The following DMXL1 variants were observed in gnomAD, a reference collection of about 807,000 sequenced individuals.
DMXL1 encodes the protein Dmx like 1.
Under a neutral mutation model 319.2 loss-of-function variants are expected in DMXL1, and 99 were observed. That is an observed-to-expected ratio of 0.31 (90% confidence interval 0.26 to 0.37). DMXL1 has a LOEUF of 0.37. Ranked by LOEUF, DMXL1 falls within the 10% of genes least tolerant of loss-of-function variation. The pLI is 1.00. For missense variants in DMXL1, 3,745 were observed against 3,595.6 expected, an observed-to-expected ratio of 1.04 and a Z score of -1.06; for synonymous variants, 1,385 against 1,235.2, an observed-to-expected ratio of 1.12 and a Z score of -2.54.
chr5:119,148,971 A>G lies in DMXL1; in HGVS notation c.3144A>G (p.Glu1048=), dbSNP rs753541395. 1 of 1,613,958 alleles carries G rather than the reference A, an allele frequency of 6.2e-7. No homozygotes were observed. The highest frequency in any genetic ancestry group is 1.7e-5 in the Admixed American group (1 of 59,998). Residue 1048 remains glutamate (E), a synonymous_variant, in exon 18 of 44, where the codon GAA becomes GAG. Transcript: ENST00000539542. The part of the protein sequence containing the change: ...SSITVPGRPV[E]VSCAHTNRLA... ...TAACTGTACCTGGTAGGCCTGTAGA[A>G]GTTAGCTGTGCACATACAAATCGTT...
At chr5:119,074,125 G>T (rs1400273616) in intron 1 of DMXL1, among the ~76,000 whole-genome samples, 1 of 152,084 alleles carries the variant, frequency 6.6e-6, no homozygotes, top group East Asian at 1.9e-4. Flanking sequence ...CACCATGTTG[G>T]TCAGGCTGGT....
At chr5:119,187,205 C>G (rs1440675700) in intron 28 of DMXL1, among the ~76,000 whole-genome samples, 1 of 152,176 alleles carries the variant, frequency 6.6e-6, no homozygotes, top group Admixed American at 6.5e-5. Context: ...CCCTATACCT[C>G]TTAAAATTCA....
chr5:119,133,029 C>T, intron 10 of DMXL1, 103 bp from the exon 11 acceptor site: 1 of 1,280,804 alleles, frequency 7.8e-7, no homozygotes, highest in African/African-American at 1.5e-5. Context: ...TCTCCTTAGG[C>T]ATGAGATCTC....
chr5:119,201,605 C>T (rs1028865402), intron 32 of DMXL1, among the ~76,000 whole-genome samples: 6 of 152,090 alleles, frequency 3.9e-5, no homozygotes, highest in African/African-American at 1.4e-4. Context: ...TGAAGGAGTT[C>T]CACCTCCTCA....
chr5:119,193,804 A>C (rs1373831767), intron 29 of DMXL1, 24 bp from the exon 30 acceptor site: 7 of 1,606,854 alleles, frequency 4.4e-6, no homozygotes, highest in Non-Finnish European at 5.9e-6. Flanking sequence ...GTGGCTGCTA[A>C]ATTTCATGAT....
In DMXL1 at chr5:119,225,110, A is replaced by G. The variant is rs1374338638; in HGVS notation, c.8338+341A>G. Among the ~76,000 whole-genome samples the G allele has an allele frequency of 2.6e-5, 4 of 152,004 alleles. No individual in the cohort carries two copies. The East Asian group carries it at 7.7e-4, about 29-fold the overall frequency. On this transcript the variant is annotated intron_variant, in intron 38 of 43. Transcript: ENST00000539542. ...TTCTGGATTTCTTTGATCATGCTAA[A>G]TTATAGTGAATAATTATTTTAATAA... is the stretch of plus-strand genomic sequence containing the variant.
Position 119,190,666 on chromosome 5 carries a change from A to G in DMXL1, c.7314+780A>G, listed in dbSNP as rs543269356. The stretch of plus-strand genomic sequence containing the variant: ...TCAAGTTGAACATAAATGAAGTTAG[A>G]GAGAAAATAGCCAACTGTGGGTATG... On this transcript the variant is annotated intron_variant, in intron 29 of 43. Transcript: ENST00000539542. 4.7e-4 allele frequency among the ~76,000 whole-genome samples: 72 copies of G among 152,358 alleles called. 1 individual carries two copies. The highest frequency in any genetic ancestry group is 1.7e-3 in the African/African-American group (72 of 41,590).
intron 37 of DMXL1, among the ~76,000 whole-genome samples, chr5:119,222,928 C>T (rs1489859838): frequency 6.6e-6 from 1 of 152,050 alleles, no homozygotes; most frequent in African/African-American, 2.4e-5. Context: ...TCAAATCCCC[C>T]CACATTTCCC....
chr5:119,147,119 G>C, intron 16 of DMXL1, 130 bp from the exon 17 acceptor site: 1 of 1,129,224 alleles, frequency 8.9e-7, no homozygotes. Context: ...TTTTCTTTCT[G>C]TGAAGAATCA....
At chr5:119,112,099 T>C (rs1276796676) in intron 5 of DMXL1, among the ~76,000 whole-genome samples, 1 of 152,210 alleles carries the variant, frequency 6.6e-6, no homozygotes, top group Admixed American at 6.5e-5. Flanking sequence ...TAGTTGGGAC[T>C]ACAGGCGCTC....
chr5:119,189,235 T>C (rs907550221), intron 28 of DMXL1, among the ~76,000 whole-genome samples: 1 of 152,338 alleles, frequency 6.6e-6, no homozygotes, highest in East Asian at 1.9e-4. Context: ...TAAGTAGTTA[T>C]GGTGCCTGAA....
chr5:119,239,210 A>G, intron 41 of DMXL1, 130 bp downstream of exon 41: 2 of 1,005,284 alleles, frequency 2.0e-6, no homozygotes, highest in Non-Finnish European at 2.9e-6. Context: ...AAAAACTATT[A>G]TTTATTGGCC....
intron 1 of DMXL1, among the ~76,000 whole-genome samples, chr5:119,087,131 T>G (rs569516551): frequency 4.0e-5 from 6 of 151,874 alleles, no homozygotes; most frequent in African/African-American, 1.5e-4. Context: ...TTAAAAAGTT[T>G]CATTTCATTG....
chr5:119,160,378 A>G (rs915815407), intron 19 of DMXL1, among the ~76,000 whole-genome samples: 1 of 152,166 alleles, frequency 6.6e-6, no homozygotes, highest in Non-Finnish European at 1.5e-5. Context: ...CTCATTTCAT[A>G]CTATTGTGAT....
In DMXL1 at chr5:119,203,389, G is replaced by A. The variant is rs145701197; in HGVS notation, c.7816G>A (p.Glu2606Lys). ...QYLVKQEEIQ[E>K]TFIKNIFTKK... ...TTTGGTGAAGCAGGAAGAAATTCAG[G>A]AAACCTTTATCAAAAATATATTCAC... The change falls in exon 33 of 44, where the codon GAA (glutamate) becomes AAA (lysine). Residue 2606 changes from glutamate (E) to lysine (K), a missense_variant. Physicochemically the swap from Glu to Lys is moderately conservative, Grantham distance 56. This residue lies in a region of DMXL1 where 1,382 missense variants were observed against 1,269.5 expected (regional missense o/e 1.09). Coordinates refer to ENST00000539542, the MANE Select transcript of DMXL1 (RefSeq NM_001290321.3). 17 of 1,606,776 alleles carry A rather than the reference G, an allele frequency of 1.1e-5. No homozygotes were observed. Among genetic ancestry groups the A allele is most frequent in the Non-Finnish European group, 1.4e-5 (17 of 1,176,728 alleles).
At chr5:119,122,814 T>C (rs1211974034) in intron 9 of DMXL1, among the ~76,000 whole-genome samples, 1 of 147,624 alleles carries the variant, frequency 6.8e-6, no homozygotes, top group Admixed American at 6.9e-5. Context: ...CTCCTCACTT[T>C]CCAGACTGGG....
rs935586767 is a variant in DMXL1 at position 119,247,690 on chromosome 5, A to G, written c.*471A>G. The G allele has an allele frequency of 6.5e-6, 1 of 152,842 alleles. No individual in the cohort carries two copies. The highest frequency in any genetic ancestry group is 2.4e-5 in the African/African-American group (1 of 41,448). 9.5% of individuals were successfully genotyped at this position (152,842 alleles called of 1,614,324 possible). ...TATTTGAGTAAGAATGAAAAAAATA[A>G]TGAACATCTTCATTAAAATTGTCAT... On this transcript the variant is annotated 3_prime_UTR_variant, in exon 44 of 44. Coordinates refer to ENST00000539542, the MANE Select transcript of DMXL1 (RefSeq NM_001290321.3).
At position 119,129,193 on chromosome 5, in the gene DMXL1, C is replaced by CTT; in HGVS notation, c.1103-11_1103-10dup. ...TAGAAGGTAAAAATTTTAATTTTAT[C>CTT]TTTTTTTTCTCTTATAGACATTCCA... On this transcript the variant is annotated splice_polypyrimidine_tract_variant and intron_variant, in intron 9 of 43. Coordinates refer to ENST00000539542, the MANE Select transcript of DMXL1 (RefSeq NM_001290321.3). 1 of 1,494,062 alleles carries CTT rather than the reference C, an allele frequency of 6.7e-7. No individual in the cohort carries two copies. The highest frequency in any genetic ancestry group is 1.3e-5 in the South Asian group (1 of 77,264). The allele number at this position is 1,494,062 out of a possible 1,614,324, so 92.6% of individuals were successfully genotyped here. A position where few individuals can be genotyped will look rare whatever the true frequency, so the allele number is the denominator to read the frequency against.
At chr5:119,089,181 A>G (rs1754028842) in intron 1 of DMXL1, among the ~76,000 whole-genome samples, 1 of 146,970 alleles carries the variant, frequency 6.8e-6, no homozygotes, top group South Asian at 2.1e-4. Context: ...GCATTTTGAA[A>G]GTGTCATCTA....
Sources: gnomAD v4.1 joint callset for allele counts (sites outside exome capture counted in the v4.1 genomes callset) on GRCh38, gnomAD v4.1.1 for gene constraint, gnomAD v4.1.1 regional missense constraint, MANE v1.5 for transcripts, NCBI Gene and HGNC (gene_info 2026-07-23, HGNC 2026-07-21) for gene names.